Variants in C16orf89 observed in about 807,000 individuals in gnomAD.
C16orf89 encodes UPF0764 protein C16orf89.
C16orf89 carries 57 observed loss-of-function variants against 41.5 expected under a neutral mutation model. That is an observed-to-expected ratio of 1.38 (90% CI 1.11 to 1.71). The LOEUF (loss-of-function observed/expected upper bound fraction) is 1.71. C16orf89 is among the 40% of genes most tolerant of loss of function. The pLI is 0.00. For synonymous variants in C16orf89, 223 were observed against 190.6 expected, an observed-to-expected ratio of 1.17 and a Z score of -1.40; for missense variants, 575 against 445.9, an observed-to-expected ratio of 1.29 and a Z score of -2.61.
chr16:5,061,068 C>G (rs60099061), intron 2 of C16orf89, among the ~76,000 whole-genome samples: 1 of 149,392 alleles, frequency 6.7e-6, no homozygotes, highest in African/African-American at 2.5e-5. Flanking sequence ...CAAGACCAGT[C>G]TGGCTAACAC....
At chr16:5,044,014 A>T (rs1956246132), downstream of C16orf89, 39 of 553,278 alleles carry the variant, frequency 7.0e-5, no homozygotes, top group East Asian at 2.4e-4. Flanking sequence ...AAAAAAAAAA[A>T]GGAAAAAAGA....
rs754856470 is a variant in C16orf89, at chr16:5,062,443, C to T, written c.340G>A (p.Asp114Asn). 10 of 1,613,374 alleles carry T rather than the reference C, an allele frequency of 6.2e-6. No homozygotes were observed. In the African/African-American group the frequency reaches 8.0e-5, roughly 13 times the overall value. Reference sequence around the variant, plus strand: ...TGCTCACCTCTTAGGTACTTGGGATCACTCAGCTTGAGGTAGTGGAGGGAT... The same window carrying T: ...TGCTCACCTCTTAGGTACTTGGGATTACTCAGCTTGAGGTAGTGGAGGGAT... The part of the protein sequence containing the change: ...QRSLHYLKLS[D>N]PKYLREFQLT... The change falls in exon 2 of 8, where the codon GAT becomes AAT. Residue 114 changes from aspartate (D) to asparagine (N), a missense_variant. Coordinates refer to ENST00000472572, the MANE Select transcript of C16orf89 (RefSeq NM_001098514.3).
At chr16:5,055,431 A>G in intron 5 of C16orf89, 81 bp from the exon 6 acceptor site, 1 of 1,276,504 alleles carries the variant, frequency 7.8e-7, no homozygotes, top group Middle Eastern at 2.2e-4. Flanking sequence ...CCACGGTGCC[A>G]CCTGCCTTCA....
chr16:5,056,439 C>A (rs1956506794), intron 4 of C16orf89, among the ~76,000 whole-genome samples: 1 of 152,154 alleles, frequency 6.6e-6, no homozygotes, highest in African/African-American at 2.4e-5. Context: ...CCTTTCTGAG[C>A]CTCAAGAGTT....
chr16:5,045,765 G>A (rs1956284498), intron 7 of C16orf89, among the ~76,000 whole-genome samples: 1 of 152,092 alleles, frequency 6.6e-6, no homozygotes, highest in Admixed American at 6.6e-5. Flanking sequence ...AGCGGGACTC[G>A]AACCCACACA....
Position 5,065,722 on chromosome 16 carries a change from C to T in C16orf89, c.187G>A (p.Val63Met). The stretch of plus-strand genomic sequence containing the variant: ...TCACCTTCCAGCACTCGGACCCCCA[C>T]CATGCCATCCAGGTTGATTTCAGGC... ...RLPEINLDGM[V>M]GVRVLEEQLK... is the part of the protein sequence containing the mutation. Residue 63 changes from valine to methionine, a missense_variant, in exon 1 of 8, where the codon GTG becomes ATG. Coordinates refer to ENST00000472572, the MANE Select transcript of C16orf89 (RefSeq NM_001098514.3). 6.2e-7 allele frequency: 1 copy of T among 1,613,800 alleles called. No homozygotes were observed. The highest frequency in any genetic ancestry group is 8.5e-7 in the Non-Finnish European group (1 of 1,179,662).
Position 5,062,469 on chromosome 16 carries a change from C to T in C16orf89, c.314G>A (p.Arg105Lys). The T allele has an allele frequency of 6.2e-7, 1 of 1,614,126 alleles. No homozygotes were observed. The highest frequency in any genetic ancestry group is 2.2e-5 in the East Asian group (1 of 44,882). The change falls in exon 2 of 8, where the codon AGA (arginine) becomes AAA (lysine). Residue 105 changes from arginine to lysine, a missense_variant. By Grantham distance (26) the Arg-to-Lys change is conservative. Coordinates refer to ENST00000472572, the MANE Select transcript of C16orf89 (RefSeq NM_001098514.3). ...ACTCAGCTTGAGGTAGTGGAGGGATCTCTGGATGGCAGCCTCCAGCTTCTC... is the reference window on the plus strand; with the variant it reads ...ACTCAGCTTGAGGTAGTGGAGGGATTTCTGGATGGCAGCCTCCAGCTTCTC... ...LGEKLEAAIQRSLHYLKLSDP... is the reference protein window; with the variant it reads ...LGEKLEAAIQKSLHYLKLSDP...
chr16:5,048,454 G>A (rs748128237), intron 6 of C16orf89, among the ~76,000 whole-genome samples: 1 of 152,196 alleles, frequency 6.6e-6, no homozygotes, highest in Non-Finnish European at 1.5e-5. Context: ...CCTGTCTGCA[G>A]ATCCTTTTGC....
intron 1 of C16orf89, 105 bp downstream of exon 1, chr16:5,065,596 C>A (rs1382072599): frequency 1.5e-6 from 2 of 1,323,774 alleles, no homozygotes; most frequent in Non-Finnish European, 2.1e-6. Context: ...GCAGGCTATA[C>A]TGGGGCCAGG....
intron 6 of C16orf89, among the ~76,000 whole-genome samples, chr16:5,050,956 T>C (rs1313384619): frequency 6.6e-6 from 1 of 152,190 alleles, no homozygotes; most frequent in African/African-American, 2.4e-5. Flanking sequence ...AAAAATCATA[T>C]AATCATCTTA....
intron 6 of C16orf89, among the ~76,000 whole-genome samples, chr16:5,051,200 C>G (rs1164341474): frequency 6.6e-6 from 1 of 151,928 alleles, no homozygotes; most frequent in Non-Finnish European, 1.5e-5. Flanking sequence ...AAGTCTTAGC[C>G]AGAGCAATTA....
chr16:5,053,252 C>G (rs1366998074), intron 6 of C16orf89, among the ~76,000 whole-genome samples: 3 of 152,052 alleles, frequency 2.0e-5, no homozygotes, highest in African/African-American at 7.2e-5. Flanking sequence ...CACCTGTAGT[C>G]CCAGCTACTC....
At position 5,062,650 on chromosome 16, in the gene C16orf89, A is replaced by T. The variant is rs188944312; in HGVS notation, c.209-76T>A. ...TTTTGCCTTGGAACAAGAAAAAAAAATGCCCCAAAGTCTAATGCTTCCTGG... is the reference window on the plus strand; with the variant it reads ...TTTTGCCTTGGAACAAGAAAAAAAATTGCCCCAAAGTCTAATGCTTCCTGG... On this transcript the variant is annotated intron_variant, in intron 1 of 7. Coordinates refer to ENST00000472572, the MANE Select transcript of C16orf89 (RefSeq NM_001098514.3). The T allele has an allele frequency of 1.2e-5, 16 of 1,361,606 alleles. No individual in the cohort carries two copies. In the Admixed American group the frequency reaches 3.4e-4, roughly 29 times the overall value. 84.3% of individuals were successfully genotyped at this position (1,361,606 alleles called of 1,614,324 possible).
chr16:5,045,536 C>T (rs1956279956), intron 7 of C16orf89, among the ~76,000 whole-genome samples: 1 of 152,144 alleles, frequency 6.6e-6, no homozygotes, highest in East Asian at 1.9e-4. Context: ...GGGACCCCAG[C>T]CAGGTCCGTT....
rs1596710906 is a variant in C16orf89 at position 5,065,699 on chromosome 16, A to T, written c.208+2T>A. 6.2e-7 allele frequency: 1 copy of T among 1,610,706 alleles called. No individual in the cohort carries two copies. Among genetic ancestry groups the T allele is most frequent in the Non-Finnish European group, 8.5e-7 (1 of 1,177,208 alleles). On this transcript the variant is annotated splice_donor_variant, in intron 1 of 7. Transcript: ENST00000472572. LOFTEE classifies it high-confidence loss of function. The stretch of plus-strand genomic sequence containing the variant: ...CAGCCAGAGGAATTGGGGCTCACTC[A>T]CCTTCCAGCACTCGGACCCCCACCA...
In C16orf89 at chr16:5,056,125, T is replaced by C. The variant is rs757406420; in HGVS notation, c.691A>G (p.Met231Val). 48 of 1,599,706 alleles carry C rather than the reference T, an allele frequency of 3.0e-5. No individual in the cohort carries two copies. In the South Asian group the frequency reaches 5.2e-4, roughly 17 times the overall value. The change falls in exon 5 of 8, where the codon ATG (methionine) becomes GTG (valine). Residue 231 changes from methionine (M) to valine (V), a missense_variant. Coordinates refer to ENST00000472572, the MANE Select transcript of C16orf89 (RefSeq NM_001098514.3). ...TCAGCTCTGCGGTTCAAGTCCATCA[T>C]GTTGGCGCAGAAGAGGTTGATATAG... ...QDYINLFCAN[M>V]MDLNRRAEAI...
intron 6 of C16orf89, among the ~76,000 whole-genome samples, chr16:5,054,206 A>G (rs1207742724): frequency 1.3e-5 from 2 of 152,220 alleles, no homozygotes; most frequent in African/African-American, 2.4e-5. Flanking sequence ...GGCACAGGCT[A>G]TGCGGCTTCA....
rs746591084 is a variant in C16orf89, at chr16:5,058,508, G to A, written c.612C>T (p.Phe204=). 99 of 1,608,966 alleles carry A rather than the reference G, an allele frequency of 6.2e-5. 1 individual carries two copies. The highest frequency in any genetic ancestry group is 8.3e-5 in the Admixed American group (5 of 59,962). ...GYCLSHQLLF[F]LWARMRGCTQ... ...GGGCACTCACCATTCTGGCCCAGAGGAAGAAGAGCAGTTGGTGGGACAGGC... is the reference window on the plus strand; with the variant it reads ...GGGCACTCACCATTCTGGCCCAGAGAAAGAAGAGCAGTTGGTGGGACAGGC... Residue 204 remains phenylalanine (F), a synonymous_variant, in exon 4 of 8, where the codon TTC becomes TTT. Coordinates refer to ENST00000472572, the MANE Select transcript of C16orf89 (RefSeq NM_001098514.3).
At chr16:5,051,375 A>G (rs1956393535) in intron 6 of C16orf89, among the ~76,000 whole-genome samples, 1 of 151,766 alleles carries the variant, frequency 6.6e-6, no homozygotes, top group Non-Finnish European at 1.5e-5. Flanking sequence ...CAGAATAAAC[A>G]TACAAAAAAT....
Sources: gnomAD v4.1 joint callset for allele counts (sites outside exome capture counted in the v4.1 genomes callset) on GRCh38, gnomAD v4.1.1 for gene constraint, MANE v1.5 for transcripts, NCBI Gene and HGNC (gene_info 2026-07-23, HGNC 2026-07-21) for gene names.